The following SEPTIN7 variants were observed in gnomAD, a reference collection of about 807,000 sequenced individuals.
SEPTIN7 encodes the protein septin 7, also known as septin-7.
A neutral mutation model predicts 63.3 loss-of-function variants in SEPTIN7; 10 were observed. The ratio of observed to expected loss-of-function variants is 0.16; its 90% CI spans 0.10 to 0.27. The LOEUF is 0.27. Ranked by LOEUF, SEPTIN7 falls within the 10% of genes least tolerant of loss-of-function variation. SEPTIN7 has a pLI of 1.00. For synonymous variants in SEPTIN7, 131 were observed against 165.3 expected (o/e 0.79, Z 1.59); for missense variants, 310 against 521.0 (o/e 0.59, Z 3.94).
intron 7 of SEPTIN7, 135 bp from the exon 8 acceptor site, chr7:35,882,349 C>A: frequency 1.2e-5 from 6 of 483,546 alleles, no homozygotes; most frequent in East Asian, 5.8e-5. Flanking sequence ...TAGATTACAA[C>A]TTTGCATCAT....
intron 12 of SEPTIN7, 49 bp downstream of exon 12, chr7:35,898,432 AAGT>A: frequency 8.1e-7 from 1 of 1,228,372 alleles, no homozygotes; most frequent in Non-Finnish European, 1.1e-6. Flanking sequence ...GTTCCTTTTT[AAGT>A]AGTATCTTCA....
chr7:35,868,742 A>G (rs1393768887), intron 4 of SEPTIN7, among the ~76,000 whole-genome samples: 1 of 152,210 alleles, frequency 6.6e-6, no homozygotes, highest in Non-Finnish European at 1.5e-5. Flanking sequence ...GAGATTGACG[A>G]TAGAGGGGAA....
intron 1 of SEPTIN7, among the ~76,000 whole-genome samples, chr7:35,807,241 A>G (rs1026804984): frequency 2.5e-4 from 37 of 150,906 alleles, no homozygotes; most frequent in African/African-American, 8.3e-4. Flanking sequence ...CTGGAGTGCA[A>G]TGGCACAGTC....
At chr7:35,834,146 A>G (rs1277479717) in intron 3 of SEPTIN7, among the ~76,000 whole-genome samples, 2 of 151,958 alleles carry the variant, frequency 1.3e-5, no homozygotes, top group African/African-American at 2.4e-5. Context: ...ATATGAAGAA[A>G]CACTGTATCT....
Position 35,829,926 on chromosome 7 carries a change from G to A in SEPTIN7, c.62-1566G>A, listed in dbSNP as rs1248784915. On this transcript the variant is annotated intron_variant, in intron 1 of 13. Transcript: ENST00000350320. Reference sequence around the variant, plus strand: ...TCTGTGGCTGGGCTCGGTGGCTTACGCCTGTAATCCCAGCACTTTGGGAGG... The same window carrying A: ...TCTGTGGCTGGGCTCGGTGGCTTACACCTGTAATCCCAGCACTTTGGGAGG... Among the ~76,000 whole-genome samples, 8 of 152,078 alleles carry A rather than the reference G, an allele frequency of 5.3e-5. No individual in the cohort carries two copies. The East Asian group carries it at 7.8e-4, about 15-fold the overall frequency.
At chr7:35,870,890 G>A (rs1057018566) in intron 4 of SEPTIN7, among the ~76,000 whole-genome samples, 3 of 150,294 alleles carry the variant, frequency 2.0e-5, no homozygotes, top group Admixed American at 2.0e-4. Flanking sequence ...GAATCTGATT[G>A]TTTTCTCTGA....
At position 35,872,660 on chromosome 7, in the gene SEPTIN7, T is replaced by C. The variant is rs146866013; in HGVS notation, c.277-6T>C. ...ATATTAACATCTGCACCAATTACTC[T>C]TACAGGTGGAACAATCCAAAGTTTT... On this transcript the variant is annotated splice_region_variant and splice_polypyrimidine_tract_variant and intron_variant, in intron 4 of 13. Coordinates refer to ENST00000350320, the MANE Select transcript of SEPTIN7 (RefSeq NM_001788.6). The C allele has an allele frequency of 1.6e-5, 26 of 1,604,136 alleles. No homozygotes were observed. Among genetic ancestry groups the C allele is most frequent in the Middle Eastern group, 1.7e-4 (1 of 5,980 alleles).
chr7:35,858,381 G>A (rs1272171314), intron 3 of SEPTIN7, among the ~76,000 whole-genome samples: 3 of 152,110 alleles, frequency 2.0e-5, no homozygotes, highest in Admixed American at 2.0e-4. Context: ...TTTTGAGACA[G>A]AGTCTAGCTC....
chr7:35,914,721 T>C, the SEPTIN7 span, among the ~76,000 whole-genome samples: 1 of 152,020 alleles, frequency 6.6e-6, no homozygotes, highest in Admixed American at 6.6e-5. Context: ...TATGTATATA[T>C]ACATAAACCT....
At chr7:35,887,617 G>T (rs1562579541) in intron 10 of SEPTIN7, among the ~76,000 whole-genome samples, 1 of 152,204 alleles carries the variant, frequency 6.6e-6, no homozygotes, top group Admixed American at 6.5e-5. Context: ...ACAGTGCTGG[G>T]ATTACGGGCT....
At chr7:35,804,835 G>GTTTTTTT (rs57782019) in intron 1 of SEPTIN7, among the ~76,000 whole-genome samples, 2 of 123,308 alleles carry the variant, frequency 1.6e-5, no homozygotes, top group Admixed American at 8.5e-5. Context: ...TTCTTTTTTT[G>GTTTTTTT]TTTTTTTTTT....
At chr7:35,875,360 A>G (rs1786406656) in intron 6 of SEPTIN7, among the ~76,000 whole-genome samples, 1 of 152,202 alleles carries the variant, frequency 6.6e-6, no homozygotes, top group Non-Finnish European at 1.5e-5. Context: ...GATTAAGTGA[A>G]GGAATATGAC....
intron 3 of SEPTIN7, among the ~76,000 whole-genome samples, chr7:35,850,118 C>A (rs958599363): frequency 6.6e-6 from 1 of 152,180 alleles, no homozygotes; most frequent in Non-Finnish European, 1.5e-5. Context: ...CCTAGATATT[C>A]TGGGCTTTGG....
At chr7:35,874,848 A>G (rs1786378988) in intron 6 of SEPTIN7, among the ~76,000 whole-genome samples, 1 of 152,098 alleles carries the variant, frequency 6.6e-6, no homozygotes, top group South Asian at 2.1e-4. Flanking sequence ...CACTAAACTG[A>G]CTCTGACTTA....
chr7:35,824,477 A>C (rs1290992256), intron 1 of SEPTIN7, among the ~76,000 whole-genome samples: 2 of 152,150 alleles, frequency 1.3e-5, no homozygotes, highest in Admixed American at 1.3e-4. Context: ...ATTACTTAAG[A>C]TATTCATTAT....
intron 3 of SEPTIN7, among the ~76,000 whole-genome samples, chr7:35,847,605 CA>C (rs1383546070): frequency 6.6e-6 from 1 of 152,088 alleles, no homozygotes; most frequent in Non-Finnish European, 1.5e-5. Context: ...TTTTTAATGT[CA>C]AAAGTCTTCT....
At chr7:35,822,002 C>T (rs897969594) in intron 1 of SEPTIN7, among the ~76,000 whole-genome samples, 13 of 152,250 alleles carry the variant, frequency 8.5e-5, no homozygotes, top group African/African-American at 3.1e-4. Context: ...AACTCCTGAC[C>T]GACCTCAGAT....
intron 7 of SEPTIN7, among the ~76,000 whole-genome samples, chr7:35,881,928 T>C (rs1241504362): frequency 2.0e-5 from 3 of 152,026 alleles, no homozygotes; most frequent in African/African-American, 7.2e-5. Flanking sequence ...TTTCTCCCTG[T>C]GTCCTTCCCT....
intron 1 of SEPTIN7, among the ~76,000 whole-genome samples, chr7:35,819,232 TTAATTTTCA>T (rs1789266688): frequency 6.6e-6 from 1 of 152,154 alleles, no homozygotes; most frequent in African/African-American, 2.4e-5. Flanking sequence ...AATGTACTGT[TTAATTTTCA>T]CAAGTGTGTG....
Sources: allele counts gnomAD v4.1 joint callset (sites outside exome capture counted in the v4.1 genomes callset), GRCh38; gene constraint gnomAD v4.1.1; transcripts MANE v1.5; gene names NCBI Gene and HGNC (gene_info 2026-07-23, HGNC 2026-07-21).